Variants in NTMT2 observed in about 807,000 individuals in gnomAD.
NTMT2 encodes the protein N-terminal Xaa-Pro-Lys N-methyltransferase 2.
In NTMT2, 21 loss-of-function variants were observed where a neutral mutation model predicts 23.4. That is an observed-to-expected ratio of 0.90 (90% confidence interval 0.64 to 1.29). The LOEUF (loss-of-function observed/expected upper bound fraction) is 1.29. NTMT2 is among the 50% of genes most tolerant of loss of function. The pLI, the probability that NTMT2 is intolerant of heterozygous loss-of-function variation, is 0.00. For synonymous variants in NTMT2, 131 were observed against 127.7 expected, an observed-to-expected ratio of 1.03 and a Z score of -0.17; for missense variants, 336 against 352.0, an observed-to-expected ratio of 0.95 and a Z score of 0.36.
At chr1:170,156,905 C>T (rs976000085) in intron 1 of NTMT2, among the ~76,000 whole-genome samples, 34 of 152,104 alleles carry the variant, frequency 2.2e-4, no homozygotes, top group Non-Finnish European at 4.4e-5. Context: ...TTTTAATAGA[C>T]TGCACAAACC....
At chr1:170,164,077 G>C (rs12760647) in intron 2 of NTMT2, among the ~76,000 whole-genome samples, 1 of 143,298 alleles carries the variant, frequency 7.0e-6, no homozygotes, top group Non-Finnish European at 1.5e-5. Context: ...AGCTGAGATC[G>C]TGCCACTGCA....
intron 2 of NTMT2, 128 bp downstream of exon 2, chr1:170,160,821 A>C (rs1374773303): frequency 1.4e-6 from 1 of 733,172 alleles, no homozygotes; most frequent in Non-Finnish European, 2.1e-6. Context: ...GCCGCCTGCA[A>C]GCCGGTTTTA....
At chr1:170,159,431 T>TG (rs1402171416) in intron 1 of NTMT2, among the ~76,000 whole-genome samples, 2 of 149,880 alleles carry the variant, frequency 1.3e-5, no homozygotes, top group African/African-American at 4.9e-5. Flanking sequence ...GTTTTTTTTT[T>TG]TTTTTTTTTT....
intron 1 of NTMT2, 119 bp downstream of exon 1, chr1:170,146,380 A>G: frequency 3.3e-6 from 3 of 912,542 alleles, no homozygotes; most frequent in East Asian, 2.7e-5. Flanking sequence ...AAAAAACTCC[A>G]CAACCAATGT....
chr1:170,146,981 T>C (rs1055600038), intron 1 of NTMT2, among the ~76,000 whole-genome samples: 1 of 152,206 alleles, frequency 6.6e-6, no homozygotes, highest in African/African-American at 2.4e-5. Flanking sequence ...TAACTTACCA[T>C]TAAAGAGTAA....
chr1:170,167,710 T>G lies in NTMT2; in HGVS notation c.805T>G (p.Cys269Gly), dbSNP rs752131462. 1 of 1,551,286 alleles carries G rather than the reference T, an allele frequency of 6.4e-7. No individual in the cohort carries two copies. Among genetic ancestry groups the G allele is most frequent in the East Asian group, 2.4e-5 (1 of 40,900 alleles). The part of the protein sequence containing the change: ...QEKQDGFPEQ[C>G]IPVWMFALHS... ...GAAGCAGGATGGCTTCCCAGAGCAG[T>G]GCATCCCCGTGTGGATGTTCGCACT... Residue 269 changes from cysteine to glycine, a missense_variant, in exon 4 of 4, where the codon TGC becomes GGC. By Grantham distance (159) the Cys-to-Gly change is radical. Coordinates refer to ENST00000439373, the MANE Select transcript of NTMT2 (RefSeq NM_001136107.2).
Position 170,168,450 on chromosome 1 carries a change from G to A in NTMT2, c.*693G>A, listed in dbSNP as rs1673443403. Among the ~76,000 whole-genome samples the A allele has an allele frequency of 6.6e-6, 1 of 152,092 alleles. No homozygotes were observed. The highest frequency in any genetic ancestry group is 6.6e-5 in the Admixed American group (1 of 15,262). On this transcript the variant is annotated 3_prime_UTR_variant, in exon 4 of 4. Transcript: ENST00000439373. ...TCTCCCTCTAATTAAGAAGACACTA[G>A]TCAAAATAATCTTGTGAAAACAAGT...
chr1:170,165,468 C>G (rs962607631), intron 2 of NTMT2, among the ~76,000 whole-genome samples: 1 of 152,096 alleles, frequency 6.6e-6, no homozygotes, highest in Non-Finnish European at 1.5e-5. Flanking sequence ...CCAAAACTAC[C>G]CTTTATCCAT....
rs1673399344 is a variant in NTMT2 at position 170,166,711 on chromosome 1, C to G, written c.540C>G (p.Pro180=). The change falls in exon 3 of 4, where the codon CCC becomes CCG. Residue 180 remains proline, a synonymous_variant. Transcript: ENST00000439373. The part of the protein sequence containing the change: ...HCYSLQEFTP[P]FRRYDVIWIQ... Reference sequence around the variant, plus strand: ...ACAGCCTGCAGGAATTCACACCCCCCTTCAGGAGATATGATGTCATCTGGA... The same window carrying G: ...ACAGCCTGCAGGAATTCACACCCCCGTTCAGGAGATATGATGTCATCTGGA... The G allele has an allele frequency of 6.4e-7, 1 of 1,552,330 alleles. No homozygotes were observed. The highest frequency in any genetic ancestry group is 8.7e-7 in the Non-Finnish European group (1 of 1,147,106).
rs765127999 is a variant in NTMT2 at position 170,149,855 on chromosome 1, A to G, written c.154+3594A>G. ...CCATGTAGCTTTCTCTAGAACAGGC[A>G]TTACCAAAAACGATAAACTTAATTC... On this transcript the variant is annotated intron_variant, in intron 1 of 3. Transcript: ENST00000439373. 2.6e-5 allele frequency among the ~76,000 whole-genome samples: 4 copies of G among 152,208 alleles called. 1 individual carries two copies. Among genetic ancestry groups the G allele is most frequent in the Non-Finnish European group, 5.9e-5 (4 of 68,030 alleles).
chr1:170,155,960 A>G (rs976314654), intron 1 of NTMT2, among the ~76,000 whole-genome samples: 1 of 152,234 alleles, frequency 6.6e-6, no homozygotes, highest in South Asian at 2.1e-4. Flanking sequence ...CATTGCCTCA[A>G]GGTAAACTGA....
chr1:170,149,487 T>C (rs1673025767), intron 1 of NTMT2, among the ~76,000 whole-genome samples: 1 of 152,230 alleles, frequency 6.6e-6, no homozygotes, highest in South Asian at 2.1e-4. Flanking sequence ...CTCATTCCCA[T>C]GAGAGTAAAG....
At chr1:170,156,600 G>T (rs917597767) in intron 1 of NTMT2, among the ~76,000 whole-genome samples, 4 of 151,970 alleles carry the variant, frequency 2.6e-5, no homozygotes, top group African/African-American at 9.7e-5. Flanking sequence ...TCTTTAATTT[G>T]CCAGTATATA....
At chr1:170,149,257 TG>T (rs2102229496) in intron 1 of NTMT2, among the ~76,000 whole-genome samples, 1 of 152,378 alleles carries the variant, frequency 6.6e-6, no homozygotes, top group Non-Finnish European at 1.5e-5. Flanking sequence ...ACCAGTTCTG[TG>T]AATACTCAGA....
chr1:170,156,623 A>G (rs941522004), intron 1 of NTMT2, among the ~76,000 whole-genome samples: 3 of 152,140 alleles, frequency 2.0e-5, no homozygotes, highest in Non-Finnish European at 4.4e-5. Flanking sequence ...TTTCTATAGT[A>G]AAAAGCCATG....
rs1189003477 is a variant in NTMT2 at position 170,167,985 on chromosome 1, G to A, written c.*228G>A. ...GTGGATTTTCTGAAAAAAAAATGGA[G>A]TGAAATATCAGGAAACGTGCTTTAA... is the stretch of plus-strand genomic sequence containing the variant. On this transcript the variant is annotated 3_prime_UTR_variant, in exon 4 of 4. Coordinates refer to ENST00000439373, the MANE Select transcript of NTMT2 (RefSeq NM_001136107.2). 4.6e-5 allele frequency among the ~76,000 whole-genome samples: 7 copies of A among 151,998 alleles called. No individual in the cohort carries two copies. The highest frequency in any genetic ancestry group is 1.5e-5 in the Non-Finnish European group (1 of 68,016).
intron 2 of NTMT2, among the ~76,000 whole-genome samples, chr1:170,164,418 G>A (rs1408580442): frequency 6.6e-6 from 1 of 152,204 alleles, no homozygotes; most frequent in Admixed American, 6.5e-5. Context: ...TTCTAATAAT[G>A]ACATAATTTC....
In NTMT2 at chr1:170,168,240, CAAA is replaced by C. The variant is rs57166192; in HGVS notation, c.*495_*497del. Among the ~76,000 whole-genome samples, 896 of 116,816 alleles carry C rather than the reference CAAA, an allele frequency of 7.7e-3. 7 individuals carry two copies. Among genetic ancestry groups the C allele is most frequent in the African/African-American group, 0.026 (863 of 33,838 alleles). The allele number at this position is 116,816 out of a possible 152,430, so 76.6% of individuals were successfully genotyped here. A position where few individuals can be genotyped will look rare whatever the true frequency, so the allele number is the denominator to read the frequency against. ...CAGATAAAGCATTTGTCTACTCAAA[CAAA>C]AAAAAAAAAAAGAAAAAGAAACAAT... On this transcript the variant is annotated 3_prime_UTR_variant, in exon 4 of 4. Transcript: ENST00000439373.
Position 170,168,240 on chromosome 1 carries a change from C to CAAA in NTMT2, c.*495_*497dup, listed in dbSNP as rs57166192. ...CAGATAAAGCATTTGTCTACTCAAA[C>CAAA]AAAAAAAAAAAAAAGAAAAAGAAAC... On this transcript the variant is annotated 3_prime_UTR_variant, in exon 4 of 4. Coordinates refer to ENST00000439373, the MANE Select transcript of NTMT2 (RefSeq NM_001136107.2). Among the ~76,000 whole-genome samples, 6,042 of 116,730 alleles carry CAAA rather than the reference C, an allele frequency of 0.052. 145 individuals are homozygous for CAAA. Among genetic ancestry groups the CAAA allele is most frequent in the African/African-American group, 0.07 (2,376 of 33,816 alleles). The allele number at this position is 116,730 out of a possible 152,430, so 76.6% of individuals were successfully genotyped here.
Sources: gnomAD v4.1 joint callset for allele counts (sites outside exome capture counted in the v4.1 genomes callset) on GRCh38, gnomAD v4.1.1 for gene constraint, MANE v1.5 for transcripts, NCBI Gene and HGNC (gene_info 2026-07-23, HGNC 2026-07-21) for gene names.